The following NEGR1 variants were observed in gnomAD, a reference collection of about 807,000 sequenced individuals.
NEGR1 encodes neuronal growth regulator 1, also known as IgLON family member 4.
A neutral mutation model predicts 40.9 loss-of-function variants in NEGR1; 10 were observed. The observed-to-expected ratio is 0.24, with a 90% CI of 0.15 to 0.42. The LOEUF is 0.42. Ranked by LOEUF, NEGR1 falls within the 10% of genes least tolerant of loss-of-function variation. The pLI, the probability that NEGR1 is intolerant of heterozygous loss-of-function variation, is 1.00. For synonymous variants in NEGR1, 185 were observed against 166.8 expected (o/e 1.11, Z -0.84); for missense variants, 352 against 438.9 (o/e 0.80, Z 1.77).
chr1:71,962,024 T>C (rs569516805), intron 1 of NEGR1, among the ~76,000 whole-genome samples: 47 of 152,156 alleles, frequency 3.1e-4, no homozygotes, highest in Non-Finnish European at 5.1e-4. Flanking sequence ...AAGAAATCCT[T>C]GTGAATGGGG....
intron 2 of NEGR1, among the ~76,000 whole-genome samples, chr1:71,856,768 C>T (rs1205346849): frequency 6.6e-6 from 1 of 152,062 alleles, no homozygotes. Context: ...ATTTCAGCTG[C>T]TCTATGAAAC....
chr1:71,946,433 A>G (rs1290492403), intron 1 of NEGR1, among the ~76,000 whole-genome samples: 1 of 152,070 alleles, frequency 6.6e-6, no homozygotes, highest in African/African-American at 2.4e-5. Flanking sequence ...ATTTCTTACT[A>G]CTATCAATAT....
intron 3 of NEGR1, among the ~76,000 whole-genome samples, chr1:71,768,146 G>A (rs1656194697): frequency 6.6e-6 from 1 of 152,164 alleles, no homozygotes; most frequent in African/African-American, 2.4e-5. Flanking sequence ...AGTCCCCACT[G>A]GGGCATTACT....
intron 1 of NEGR1, among the ~76,000 whole-genome samples, chr1:72,071,032 GT>G (rs1647442707): frequency 6.6e-6 from 1 of 151,890 alleles, no homozygotes; most frequent in African/African-American, 2.4e-5. Context: ...GTGGAACATA[GT>G]TTTTATTAAC....
chr1:71,536,058 A>C (rs1647499402), intron 6 of NEGR1, among the ~76,000 whole-genome samples: 1 of 151,728 alleles, frequency 6.6e-6, no homozygotes, highest in Admixed American at 6.6e-5. Flanking sequence ...ATGAAGAAGA[A>C]ATTAAGCAGA....
intron 4 of NEGR1, among the ~76,000 whole-genome samples, chr1:71,629,310 A>G (rs1005941802): frequency 2.0e-5 from 3 of 151,978 alleles, no homozygotes; most frequent in Non-Finnish European, 2.9e-5. Context: ...CATTGAATCT[A>G]TAAATTACTT....
intron 3 of NEGR1, among the ~76,000 whole-genome samples, chr1:71,724,372 C>T (rs375786277): frequency 4.3e-4 from 65 of 152,108 alleles, no homozygotes; most frequent in Admixed American, 9.8e-4. Context: ...ATATTTCATG[C>T]CTTATTTTTT....
chr1:72,088,796 C>CTCTTTTT (rs1477735559), intron 1 of NEGR1, among the ~76,000 whole-genome samples: 2 of 74,906 alleles, frequency 2.7e-5, no homozygotes, highest in African/African-American at 9.3e-5. Flanking sequence ...CTCTCTCTCT[C>CTCTTTTT]TTTTTTTTTT....
chr1:72,010,745 C>T (rs954352766), intron 1 of NEGR1, among the ~76,000 whole-genome samples: 106 of 152,054 alleles, frequency 7.0e-4, no homozygotes, highest in South Asian at 2.1e-4. Flanking sequence ...ATTGTATAAG[C>T]GTAGGAAGAT....
intron 2 of NEGR1, among the ~76,000 whole-genome samples, chr1:71,822,020 G>GT (rs955692879): frequency 1.2e-3 from 176 of 150,996 alleles, no homozygotes; most frequent in Non-Finnish European, 2.1e-3. Flanking sequence ...TTCCAGAAGG[G>GT]TTTTTTTTTG....
chr1:71,949,119 T>G (rs1204235439), intron 1 of NEGR1, among the ~76,000 whole-genome samples: 1 of 152,146 alleles, frequency 6.6e-6, no homozygotes. Context: ...CTGAGGAATT[T>G]AGGGACTAAA....
intron 2 of NEGR1, among the ~76,000 whole-genome samples, chr1:71,867,605 G>A (rs1288542532): frequency 1.3e-5 from 2 of 152,094 alleles, no homozygotes; most frequent in Non-Finnish European, 2.9e-5. Flanking sequence ...AACTAAGACT[G>A]TTATGATTAG....
chr1:72,229,344 A>C (rs114922192), intron 1 of NEGR1, among the ~76,000 whole-genome samples: 2,729 of 148,624 alleles, frequency 0.018, 64 homozygotes, highest in African/African-American at 0.061. Context: ...AAAATATAAT[A>C]TAATATTTAA....
intron 1 of NEGR1, among the ~76,000 whole-genome samples, chr1:72,007,525 G>A (rs990024064): frequency 7.2e-5 from 11 of 152,142 alleles, no homozygotes; most frequent in Non-Finnish European, 1.2e-4. Context: ...ACTTTTCTCC[G>A]CCACTGCTAT....
At chr1:71,828,318 G>C (rs1047537051) in intron 2 of NEGR1, among the ~76,000 whole-genome samples, 3 of 151,844 alleles carry the variant, frequency 2.0e-5, no homozygotes, top group African/African-American at 7.3e-5. Flanking sequence ...TTTTATCCCT[G>C]AATTAGTTCT....
chr1:71,958,119 C>A (rs1161733118), intron 1 of NEGR1, among the ~76,000 whole-genome samples: 2 of 152,102 alleles, frequency 1.3e-5, no homozygotes. Context: ...CATAAAGGAC[C>A]TTTTCAAACA....
At chr1:71,511,752 C>G (rs1262818610) in intron 6 of NEGR1, among the ~76,000 whole-genome samples, 1 of 152,160 alleles carries the variant, frequency 6.6e-6, no homozygotes, top group Non-Finnish European at 1.5e-5. Flanking sequence ...GTATCAGCAG[C>G]TGTATTTGCA....
intron 6 of NEGR1, among the ~76,000 whole-genome samples, chr1:71,413,782 C>G (rs1646338506): frequency 6.6e-6 from 1 of 152,096 alleles, no homozygotes; most frequent in African/African-American, 2.4e-5. Flanking sequence ...GGAAGATCCA[C>G]TCTGGGTTTT....
At chr1:71,800,761 T>C (rs546693834) in intron 2 of NEGR1, among the ~76,000 whole-genome samples, 135 of 152,270 alleles carry the variant, frequency 8.9e-4, no homozygotes, top group African/African-American at 3.2e-3. Flanking sequence ...TTCATTTCAC[T>C]AATCCTCCCA....
Sources: allele counts gnomAD v4.1 joint callset (sites outside exome capture counted in the v4.1 genomes callset), GRCh38; gene constraint gnomAD v4.1.1; transcripts MANE v1.5; gene names NCBI Gene and HGNC (gene_info 2026-07-23, HGNC 2026-07-21).